The following LDB2 variants were observed in gnomAD, a reference collection of about 807,000 sequenced individuals.
The protein encoded by LDB2 is LIM domain-binding protein 2.
LDB2 carries 12 observed loss-of-function variants against 44.3 expected under a neutral mutation model. The observed-to-expected ratio is 0.27, with a 90% CI of 0.17 to 0.44. The LOEUF is 0.44. Among genes scored for constraint, LDB2 ranks in the 20% least tolerant of loss-of-function variants. The pLI is 1.00. For missense variants in LDB2, 344 were observed against 473.5 expected (o/e 0.73, Z 2.54); for synonymous variants, 164 against 174.8 (o/e 0.94, Z 0.49).
chr4:16,693,224 C>T (rs1290828756), intron 2 of LDB2, among the ~76,000 whole-genome samples: 1 of 152,102 alleles, frequency 6.6e-6, no homozygotes, highest in Non-Finnish European at 1.5e-5. Context: ...TTATTTGAGC[C>T]TCAAGAATCT....
At chr4:16,604,896 T>C (rs1723518668) in intron 2 of LDB2, among the ~76,000 whole-genome samples, 1 of 152,184 alleles carries the variant, frequency 6.6e-6, no homozygotes, top group Non-Finnish European at 1.5e-5. Context: ...CATTTTTGGA[T>C]AAATTTAACT....
At chr4:16,526,983 A>G (rs1728470805) in intron 5 of LDB2, among the ~76,000 whole-genome samples, 1 of 152,280 alleles carries the variant, frequency 6.6e-6, no homozygotes, top group Non-Finnish European at 1.5e-5. Flanking sequence ...TTTAGCAAAT[A>G]AAACTACAAG....
chr4:16,590,541 G>C (rs6810956), intron 3 of LDB2, among the ~76,000 whole-genome samples: 146,706 of 152,304 alleles, frequency 0.96, 70,864 homozygotes, highest in Non-Finnish European at 1. Flanking sequence ...CATTCCATGC[G>C]CTCTAACTGA....
At chr4:16,789,807 C>T (rs1478505901) in intron 1 of LDB2, among the ~76,000 whole-genome samples, 1 of 152,122 alleles carries the variant, frequency 6.6e-6, no homozygotes, top group African/African-American at 2.4e-5. Flanking sequence ...TGGCATACGC[C>T]TGTAGTCCCA....
At chr4:16,870,101 G>A (rs556842300) in intron 1 of LDB2, among the ~76,000 whole-genome samples, 1 of 152,166 alleles carries the variant, frequency 6.6e-6, no homozygotes, top group Admixed American at 6.5e-5. Context: ...GTACAAGGCA[G>A]CTGCAGAGGC....
chr4:16,731,606 A>T (rs1286762592), intron 2 of LDB2, among the ~76,000 whole-genome samples: 1 of 152,210 alleles, frequency 6.6e-6, no homozygotes, highest in African/African-American at 2.4e-5. Context: ...ACAGGAATTG[A>T]ATTAGCCAGA....
intron 1 of LDB2, among the ~76,000 whole-genome samples, chr4:16,819,049 G>A (rs1290135137): frequency 1.3e-5 from 2 of 152,016 alleles, no homozygotes; most frequent in African/African-American, 2.4e-5. Context: ...CATGCAGAAA[G>A]AATGAGTACT....
intron 2 of LDB2, among the ~76,000 whole-genome samples, chr4:16,625,888 G>C (rs948738214): frequency 1.3e-5 from 2 of 152,072 alleles, no homozygotes; most frequent in African/African-American, 4.8e-5. Flanking sequence ...TTCTGTTCCA[G>C]AATTGCAGAA....
chr4:16,773,239 T>C (rs1771098467), intron 1 of LDB2, among the ~76,000 whole-genome samples: 1 of 152,218 alleles, frequency 6.6e-6, no homozygotes, highest in African/African-American at 2.4e-5. Flanking sequence ...CACCAGGGAC[T>C]GGTTTCGTGG....
chr4:16,539,223 C>T (rs757760599), intron 5 of LDB2, among the ~76,000 whole-genome samples: 3 of 151,838 alleles, frequency 2.0e-5, no homozygotes, highest in African/African-American at 4.8e-5. Flanking sequence ...TGGGATTAAG[C>T]TTTGGGAGAC....
chr4:16,686,358 C>G (rs978648440), intron 2 of LDB2, among the ~76,000 whole-genome samples: 15 of 152,148 alleles, frequency 9.9e-5, no homozygotes, highest in African/African-American at 3.6e-4. Flanking sequence ...TAATCATGAT[C>G]CAAAGTGGGT....
chr4:16,521,068 C>T (rs1202932882), intron 5 of LDB2, among the ~76,000 whole-genome samples: 3 of 152,168 alleles, frequency 2.0e-5, no homozygotes, highest in African/African-American at 7.2e-5. Context: ...TGCCAACTGG[C>T]TTCAGGCGAG....
At chr4:16,773,275 G>C (rs189652083) in intron 1 of LDB2, among the ~76,000 whole-genome samples, 1 of 152,142 alleles carries the variant, frequency 6.6e-6, no homozygotes, top group African/African-American at 2.4e-5. Flanking sequence ...CGGACACTCT[G>C]GGGGACGGTT....
chr4:16,689,527 C>T (rs538148964), intron 2 of LDB2, among the ~76,000 whole-genome samples: 32 of 152,282 alleles, frequency 2.1e-4, no homozygotes, highest in Middle Eastern at 3.4e-3. Flanking sequence ...GTGGTATCTC[C>T]AGGCCTTACA....
At chr4:16,814,614 C>T (rs928830587) in intron 1 of LDB2, among the ~76,000 whole-genome samples, 1 of 152,152 alleles carries the variant, frequency 6.6e-6, no homozygotes, top group Non-Finnish European at 1.5e-5. Flanking sequence ...CTTAAGAGCC[C>T]TAGCTGATGC....
chr4:16,729,113 G>A (rs181101623), intron 2 of LDB2, among the ~76,000 whole-genome samples: 8 of 152,324 alleles, frequency 5.3e-5, no homozygotes, highest in South Asian at 4.1e-4. Flanking sequence ...AAAAAGGCAA[G>A]TCTTTGCCTC....
intron 2 of LDB2, among the ~76,000 whole-genome samples, chr4:16,719,740 G>A (rs1190691518): frequency 2.0e-5 from 3 of 152,076 alleles, no homozygotes; most frequent in Admixed American, 1.3e-4. Context: ...CTGACCCAGA[G>A]TAAGTGTTCC....
At chr4:16,596,984 C>T (rs749632437) in intron 2 of LDB2, among the ~76,000 whole-genome samples, 1 of 152,138 alleles carries the variant, frequency 6.6e-6, no homozygotes, top group Non-Finnish European at 1.5e-5. Flanking sequence ...CTATATAATA[C>T]CCTTTGAAAG....
At chr4:16,612,070 C>A (rs1725802295) in intron 2 of LDB2, among the ~76,000 whole-genome samples, 1 of 152,136 alleles carries the variant, frequency 6.6e-6, no homozygotes, top group South Asian at 2.1e-4. Flanking sequence ...TCAGTAAAAA[C>A]CACACAATTT....
Sources: gnomAD v4.1 joint callset for allele counts (sites outside exome capture counted in the v4.1 genomes callset) on GRCh38, gnomAD v4.1.1 for gene constraint, MANE v1.5 for transcripts, NCBI Gene and HGNC (gene_info 2026-07-23, HGNC 2026-07-21) for gene names.